COL19A1: variants seen among roughly 807,000 people sequenced by gnomAD.
The protein encoded by COL19A1 is collagen alpha-1(XIX) chain.
In COL19A1, 159 loss-of-function variants were observed where a neutral mutation model predicts 190.2. That is an observed-to-expected ratio of 0.84 (90% CI 0.73 to 0.95). The LOEUF is 0.95. COL19A1 is among the 40% of genes least tolerant of loss of function. The pLI is 0.00. For synonymous variants in COL19A1, 509 were observed against 458.9 expected, an observed-to-expected ratio of 1.11 and a Z score of -1.39; for missense variants, 1,418 against 1,431.9, an observed-to-expected ratio of 0.99 and a Z score of 0.16.
At chr6:69,900,558 G>A (rs187939647) in intron 4 of COL19A1, among the ~76,000 whole-genome samples, 4 of 152,084 alleles carry the variant, frequency 2.6e-5, no homozygotes, top group Admixed American at 2.6e-4. Context: ...ACAGAAAAAG[G>A]CACGATCATT....
chr6:69,937,892 C>A, intron 8 of COL19A1, 146 bp from the exon 9 acceptor site: 1 of 642,194 alleles, frequency 1.6e-6, no homozygotes, highest in African/African-American at 1.9e-5. Flanking sequence ...CCCTTGTTCA[C>A]GTGGCTCACT....
chr6:70,100,829 G>T (rs1783586020), intron 15 of COL19A1, among the ~76,000 whole-genome samples: 1 of 152,040 alleles, frequency 6.6e-6, no homozygotes, highest in African/African-American at 2.4e-5. Context: ...ATGTTAACTA[G>T]GGCTATTTAT....
At chr6:69,959,967 A>G (rs1396290769) in intron 9 of COL19A1, 29 bp from the exon 10 acceptor site, 1 of 1,605,786 alleles carries the variant, frequency 6.2e-7, no homozygotes, top group Admixed American at 1.7e-5. Flanking sequence ...TTTATGGATC[A>G]TAAACATTAT....
chr6:69,872,341 C>G (rs1339557582), intron 1 of COL19A1, among the ~76,000 whole-genome samples: 1 of 151,580 alleles, frequency 6.6e-6, no homozygotes, highest in Non-Finnish European at 1.5e-5. Flanking sequence ...TATCTAGAGG[C>G]CAGGTATTAA....
chr6:69,873,613 TA>T (rs1395056589), intron 1 of COL19A1, among the ~76,000 whole-genome samples: 1 of 152,246 alleles, frequency 6.6e-6, no homozygotes, highest in Non-Finnish European at 1.5e-5. Context: ...TATTATTTTT[TA>T]TGAGTGTTAT....
At chr6:70,053,697 G>A (rs1780338197) in intron 14 of COL19A1, among the ~76,000 whole-genome samples, 1 of 152,076 alleles carries the variant, frequency 6.6e-6, no homozygotes, top group Non-Finnish European at 1.5e-5. Flanking sequence ...GCCCTCAGAT[G>A]TATTTAGATA....
chr6:70,036,265 G>T (rs994504057), intron 14 of COL19A1, among the ~76,000 whole-genome samples: 7 of 152,164 alleles, frequency 4.6e-5, no homozygotes, highest in African/African-American at 1.7e-4. Context: ...AATGTAAATG[G>T]AATCAGATAC....
chr6:69,893,787 A>C (rs1769527771), intron 2 of COL19A1, among the ~76,000 whole-genome samples: 1 of 152,176 alleles, frequency 6.6e-6, no homozygotes, highest in African/African-American at 2.4e-5. Flanking sequence ...AGGTCTGATA[A>C]ACATTTTACA....
At chr6:69,974,147 A>G (rs2150058002) in intron 11 of COL19A1, 1 of 152,328 alleles carries the variant, frequency 6.6e-6, no homozygotes. Context: ...CCCATCAATG[A>G]TCTGTTCTAA....
intron 9 of COL19A1, among the ~76,000 whole-genome samples, chr6:69,957,035 C>A (rs1297028376): frequency 6.6e-6 from 1 of 151,972 alleles, no homozygotes; most frequent in Non-Finnish European, 1.5e-5. Flanking sequence ...TGTTTCCCTG[C>A]TTGCTTTATC....
At chr6:69,883,394 C>T (rs1768695544) in intron 2 of COL19A1, among the ~76,000 whole-genome samples, 1 of 152,192 alleles carries the variant, frequency 6.6e-6, no homozygotes, top group South Asian at 2.1e-4. Flanking sequence ...TAGGACCCTT[C>T]CCGGATATCA....
chr6:69,996,916 T>TTGTGTG (rs200468204), intron 11 of COL19A1, among the ~76,000 whole-genome samples: 4,989 of 146,066 alleles, frequency 0.034, 277 homozygotes, highest in African/African-American at 0.12. Context: ...TCAAAAAGAC[T>TTGTGTG]TGTGTGTGTG....
intron 11 of COL19A1, among the ~76,000 whole-genome samples, chr6:70,022,348 A>G (rs1366299833): frequency 6.7e-6 from 1 of 149,044 alleles, no homozygotes; most frequent in Non-Finnish European, 1.5e-5. Context: ...ATTTATCACT[A>G]GAAAAAAAAT....
intron 15 of COL19A1, among the ~76,000 whole-genome samples, chr6:70,070,385 A>G (rs1425582948): frequency 1.3e-5 from 2 of 152,146 alleles, no homozygotes; most frequent in African/African-American, 4.8e-5. Context: ...ATAATTTTAT[A>G]TTACTTTTAT....
intron 4 of COL19A1, among the ~76,000 whole-genome samples, chr6:69,905,457 C>A (rs1158159388): frequency 6.6e-6 from 1 of 152,170 alleles, no homozygotes; most frequent in Non-Finnish European, 1.5e-5. Context: ...CATGAGTGAG[C>A]TGAGCCGTGT....
chr6:70,032,585 G>T (rs1343422951), intron 12 of COL19A1, among the ~76,000 whole-genome samples: 2 of 151,924 alleles, frequency 1.3e-5, no homozygotes, highest in African/African-American at 4.8e-5. Context: ...ATATCCAACT[G>T]TTATCATTTA....
chr6:70,003,872 TTTAACGTTAGTATTG>T (rs1457593318), intron 11 of COL19A1, among the ~76,000 whole-genome samples: 1 of 152,234 alleles, frequency 6.6e-6, no homozygotes, highest in Non-Finnish European at 1.5e-5. Context: ...CCCCTTTACA[TTTAACGTTAGTATTG>T]TTATGTGTGA....
intron 44 of COL19A1, among the ~76,000 whole-genome samples, chr6:70,182,565 A>C (rs1050460996): frequency 2.6e-5 from 4 of 152,214 alleles, no homozygotes; most frequent in Admixed American, 2.6e-4. Context: ...ACTGTTAGGA[A>C]GACAACCCAA....
At chr6:70,159,372 G>T (rs1055407062) in intron 34 of COL19A1, among the ~76,000 whole-genome samples, 1 of 151,634 alleles carries the variant, frequency 6.6e-6, no homozygotes, top group Non-Finnish European at 1.5e-5. Context: ...ACCACATACC[G>T]ATATGTAGAG....
Sources: allele counts gnomAD v4.1 joint callset (sites outside exome capture counted in the v4.1 genomes callset), GRCh38; gene constraint gnomAD v4.1.1; transcripts MANE v1.5; gene names NCBI Gene and HGNC (gene_info 2026-07-23, HGNC 2026-07-21).